The following MAGI2 variants were observed in gnomAD, a reference collection of about 807,000 sequenced individuals.
MAGI2 encodes the protein membrane associated guanylate kinase, WW and PDZ domain containing 2, also known as membrane-associated guanylate kinase, WW and PDZ domain-containing protein 2.
In MAGI2, 35 loss-of-function variants were observed where a neutral mutation model predicts 133.3. The observed-to-expected ratio is 0.26, with a 90% CI of 0.20 to 0.35. MAGI2 has a LOEUF of 0.35. Ranked by LOEUF, MAGI2 falls within the 10% of genes least tolerant of loss-of-function variation. The probability of loss-of-function intolerance (pLI) is 1.00; values close to 1 mark genes in which losing one functional copy is unlikely to be tolerated. For missense variants in MAGI2, 1,636 were observed against 1,863.4 expected, an observed-to-expected ratio of 0.88 and a Z score of 2.25; for synonymous variants, 729 against 710.6, an observed-to-expected ratio of 1.03 and a Z score of -0.41.
At chr7:78,703,501 T>C (rs1485472201) in intron 2 of MAGI2, among the ~76,000 whole-genome samples, 2 of 152,046 alleles carry the variant, frequency 1.3e-5, no homozygotes, top group Admixed American at 6.6e-5. Flanking sequence ...GTTGAATGGA[T>C]ACAGATACAG....
At chr7:78,747,284 C>A (rs556608263) in intron 2 of MAGI2, among the ~76,000 whole-genome samples, 1 of 151,976 alleles carries the variant, frequency 6.6e-6, no homozygotes, top group Non-Finnish European at 1.5e-5. Context: ...ATGAGCTGAA[C>A]CTAAAAATAG....
At chr7:79,132,585 T>G (rs116909058) in intron 1 of MAGI2, among the ~76,000 whole-genome samples, 6 of 152,262 alleles carry the variant, frequency 3.9e-5, no homozygotes, top group Non-Finnish European at 7.4e-5. Context: ...CAATTATGAA[T>G]TTTGCTTCTA....
chr7:78,790,786 T>A (rs1827185319), intron 2 of MAGI2, among the ~76,000 whole-genome samples: 1 of 152,112 alleles, frequency 6.6e-6, no homozygotes, highest in Admixed American at 6.6e-5. Context: ...ATAACAAAGC[T>A]TACTCTGAGT....
Position 79,028,310 on chromosome 7 carries a change from T to C in MAGI2, c.302-21104A>G, listed in dbSNP as rs1426434828. Reference sequence around the variant, plus strand: ...ATATATATGTGTGTATATATATATATATACACACATATATATACATATATA... The same window carrying C: ...ATATATATGTGTGTATATATATATACATACACACATATATATACATATATA... On this transcript the variant is annotated intron_variant, in intron 1 of 21. Coordinates refer to ENST00000354212, the MANE Select transcript of MAGI2 (RefSeq NM_012301.4). Among the ~76,000 whole-genome samples, 42 of 89,924 alleles carry C rather than the reference T, an allele frequency of 4.7e-4. 3 individuals are homozygous for C. The highest frequency in any genetic ancestry group is 3.3e-3 in the East Asian group (10 of 3,022). The allele number at this position is 89,924 out of a possible 152,430, so 59.0% of individuals were successfully genotyped here. A position where few individuals can be genotyped will look rare whatever the true frequency, so the allele number is the denominator to read the frequency against.
chr7:79,136,111 AAGAAAGAAAG>A (rs1275437280), intron 1 of MAGI2, among the ~76,000 whole-genome samples: 5 of 150,842 alleles, frequency 3.3e-5, no homozygotes, highest in Non-Finnish European at 7.4e-5. Context: ...GAAAGAAAGA[AAGAAAGAAAG>A]AAAGAAAGAC....
chr7:78,112,359 C>T (rs937946456), intron 20 of MAGI2, among the ~76,000 whole-genome samples: 1 of 152,208 alleles, frequency 6.6e-6, no homozygotes, highest in Non-Finnish European at 1.5e-5. Flanking sequence ...CTTGGAATGT[C>T]ACCTAGTTTA....
chr7:78,604,726 G>C (rs1057006142), intron 3 of MAGI2, among the ~76,000 whole-genome samples: 3 of 152,166 alleles, frequency 2.0e-5, no homozygotes, highest in East Asian at 1.9e-4. Flanking sequence ...GGAAGTATAA[G>C]AAATGTATTT....
In MAGI2 at chr7:79,057,960, GT is replaced by G. The variant is rs34071701; in HGVS notation, c.302-50755del. 8.5e-3 allele frequency among the ~76,000 whole-genome samples: 1,237 copies of G among 145,762 alleles called. 7 individuals carry two copies. The highest frequency in any genetic ancestry group is 0.02 in the South Asian group (90 of 4,576). ...TCCTGCCCAGAAAGGGGCTCTATTAGTTTTTTTTTTTTTTAGTCACATAGAC... is the reference window on the plus strand; with the variant it reads ...TCCTGCCCAGAAAGGGGCTCTATTAGTTTTTTTTTTTTTAGTCACATAGAC... On this transcript the variant is annotated intron_variant, in intron 1 of 21. Coordinates refer to ENST00000354212, the MANE Select transcript of MAGI2 (RefSeq NM_012301.4).
chr7:79,210,993 A>G (rs770019830), intron 1 of MAGI2, among the ~76,000 whole-genome samples: 9 of 152,020 alleles, frequency 5.9e-5, no homozygotes, highest in Non-Finnish European at 8.8e-5. Flanking sequence ...TGCATTATGC[A>G]TGCTATTGAA....
At chr7:78,659,468 C>T (rs377401683) in intron 2 of MAGI2, among the ~76,000 whole-genome samples, 1 of 63,186 alleles carries the variant, frequency 1.6e-5, no homozygotes, top group South Asian at 5.2e-4. Context: ...CAAAACAAAA[C>T]AAAGAAAACC....
At chr7:78,034,758 C>T (rs932886041) in intron 21 of MAGI2, among the ~76,000 whole-genome samples, 8 of 152,158 alleles carry the variant, frequency 5.3e-5, no homozygotes, top group Non-Finnish European at 1.2e-4. Context: ...GAACTCTTGA[C>T]CTCAAGTGAT....
chr7:78,483,114 T>C (rs781277395), intron 6 of MAGI2, among the ~76,000 whole-genome samples: 26 of 151,964 alleles, frequency 1.7e-4, no homozygotes, highest in East Asian at 5.8e-4. Flanking sequence ...TAAGTTAACA[T>C]TGAGAGAGGC....
At chr7:79,415,811 G>T (rs1299260283) in intron 1 of MAGI2, 1 of 152,152 alleles carries the variant, frequency 6.6e-6, no homozygotes, top group Non-Finnish European at 1.5e-5. Flanking sequence ...TCCAGAAGTA[G>T]CAGCTAGTTT....
At chr7:78,687,960 T>C (rs1219897727) in intron 2 of MAGI2, among the ~76,000 whole-genome samples, 1 of 99,666 alleles carries the variant, frequency 1.0e-5, no homozygotes, top group Non-Finnish European at 1.8e-5. Flanking sequence ...AGAGAGTGAG[T>C]CCTTGCCTTA....
intron 6 of MAGI2, among the ~76,000 whole-genome samples, chr7:78,450,269 TG>T (rs1788585405): frequency 6.6e-6 from 1 of 152,070 alleles, no homozygotes; most frequent in Admixed American, 6.6e-5. Flanking sequence ...CTTTCAATCC[TG>T]GGAATTCATT....
intron 9 of MAGI2, among the ~76,000 whole-genome samples, chr7:78,324,257 G>A (rs1480439126): frequency 6.6e-6 from 1 of 151,940 alleles, no homozygotes; most frequent in African/African-American, 2.4e-5. Flanking sequence ...CAGAAGGCTG[G>A]TGGAGAGTGA....
At chr7:78,214,821 G>T (rs1788107500) in intron 10 of MAGI2, among the ~76,000 whole-genome samples, 1 of 152,306 alleles carries the variant, frequency 6.6e-6, no homozygotes, top group South Asian at 2.1e-4. Flanking sequence ...TAGGGATTAA[G>T]AACAAACTTG....
chr7:78,482,564 T>C (rs1792505700), intron 6 of MAGI2, among the ~76,000 whole-genome samples: 1 of 151,946 alleles, frequency 6.6e-6, no homozygotes, highest in Non-Finnish European at 1.5e-5. Flanking sequence ...TACTGGCATA[T>C]TATACTGCAA....
At chr7:79,255,151 A>G (rs1354372815) in intron 1 of MAGI2, among the ~76,000 whole-genome samples, 1 of 152,162 alleles carries the variant, frequency 6.6e-6, no homozygotes, top group African/African-American at 2.4e-5. Context: ...TATTATACTT[A>G]CTTACAAACA....
Sources: gnomAD v4.1 joint callset for allele counts (sites outside exome capture counted in the v4.1 genomes callset) on GRCh38, gnomAD v4.1.1 for gene constraint, MANE v1.5 for transcripts, NCBI Gene and HGNC (gene_info 2026-07-23, HGNC 2026-07-21) for gene names.